The following ZNF75D variants were observed in gnomAD, a reference collection of about 807,000 sequenced individuals.
ZNF75D encodes zinc finger protein 75.
Under a neutral mutation model 33.3 loss-of-function variants are expected in ZNF75D, and 33 were observed. The ratio of observed to expected loss-of-function variants is 0.99; its 90% CI spans 0.75 to 1.32. The LOEUF (loss-of-function observed/expected upper bound fraction) is 1.32. Ranked by LOEUF, ZNF75D falls within the 40% of genes most tolerant of loss-of-function variation. The pLI is 0.00. For missense variants in ZNF75D, 338 were observed against 367.5 expected, an observed-to-expected ratio of 0.92 and a Z score of 0.66; for synonymous variants, 113 against 130.6, an observed-to-expected ratio of 0.87 and a Z score of 0.92.
At chrX:135,333,948 C>T (rs782343833) in intron 1 of ZNF75D, among the ~76,000 whole-genome samples, 4 of 111,942 alleles carry the variant, frequency 3.6e-5, no homozygotes, top group Non-Finnish European at 7.5e-5. Context: ...CTTTTCATCG[C>T]TATGAAGCAG....
intron 1 of ZNF75D, among the ~76,000 whole-genome samples, chrX:135,320,895 T>C (rs2084486712): frequency 9.0e-6 from 1 of 111,425 alleles, no homozygotes; most frequent in Non-Finnish European, 1.9e-5. Flanking sequence ...GTTTTTGAAG[T>C]TGCTACAGAG....
chrX:135,258,240 G>A (rs1296525996), intron 1 of ZNF75D, among the ~76,000 whole-genome samples: 4 of 106,239 alleles, frequency 3.8e-5, no homozygotes, highest in Non-Finnish European at 2.0e-5. Context: ...ATTGTGAATA[G>A]TGCTGCAATA....
intron 1 of ZNF75D, among the ~76,000 whole-genome samples, chrX:135,337,659 AG>A (rs1186821107): frequency 9.0e-6 from 1 of 111,154 alleles, no homozygotes; most frequent in Non-Finnish European, 1.9e-5. Context: ...GGAGTGCATT[AG>A]GTAAATGGTG....
intron 1 of ZNF75D, among the ~76,000 whole-genome samples, chrX:135,316,545 T>C (rs1220637776): frequency 8.9e-6 from 1 of 111,885 alleles, no homozygotes; most frequent in African/African-American, 3.2e-5. Context: ...AACCTCTTGG[T>C]AGACCTGGAA....
intron 1 of ZNF75D, among the ~76,000 whole-genome samples, chrX:135,325,849 G>A (rs1056954336): frequency 2.7e-5 from 3 of 112,768 alleles, no homozygotes; most frequent in South Asian, 3.6e-4. Flanking sequence ...AGCGCATCGC[G>A]TGGGACTGGC....
At chrX:135,292,593 A>C in intron 3 of ZNF75D, 120 bp from the exon 4 acceptor site, 1 of 552,994 alleles carries the variant, frequency 1.8e-6, no homozygotes, top group Non-Finnish European at 2.8e-6. Flanking sequence ...AGAAGTAATA[A>C]AAAGAATGAA....
chrX:135,287,227 T>C lies in ZNF75D; in HGVS notation c.1443A>G (p.Leu481=), dbSNP rs782114578. 1.7e-6 allele frequency: 2 copies of C among 1,211,402 alleles called. No homozygotes were observed. Among genetic ancestry groups the C allele is most frequent in the Admixed American group, 4.4e-5 (2 of 45,909 alleles). The change falls in exon 7 of 7, where the codon TTA becomes TTG. Residue 481 remains leucine (L), a synonymous_variant. Transcript: ENST00000370766. Reference sequence around the variant, plus strand: ...ATCGCCTACTAAAGTTTCTCTTGCATAAGCTACACGTATAAGGCTGCTCAC... The same window carrying C: ...ATCGCCTACTAAAGTTTCTCTTGCACAAGCTACACGTATAAGGCTGCTCAC... ...HTGEQPYTCS[L]CKRNFSRRSS... is the part of the protein sequence containing the mutation.
At chrX:135,332,561 C>G (rs1218860841) in intron 1 of ZNF75D, among the ~76,000 whole-genome samples, 1 of 111,896 alleles carries the variant, frequency 8.9e-6, no homozygotes, top group Non-Finnish European at 1.9e-5. Context: ...CTTGGACTGC[C>G]CAGCCTCCAG....
intron 1 of ZNF75D, among the ~76,000 whole-genome samples, chrX:135,278,953 TTG>T (rs1435362177): frequency 2.7e-5 from 3 of 111,264 alleles, no homozygotes; most frequent in South Asian, 7.5e-4. Flanking sequence ...AAATTTTCTT[TTG>T]TGTGTGTGTG....
At chrX:135,271,462 C>G (rs1474071053) in intron 1 of ZNF75D, among the ~76,000 whole-genome samples, 1 of 111,915 alleles carries the variant, frequency 8.9e-6, no homozygotes, top group Non-Finnish European at 1.9e-5. Context: ...TAGTGCCTCT[C>G]ATTTGCAGAT....
chrX:135,286,329 A>C lies in ZNF75D; in HGVS notation c.*808T>G, dbSNP rs1300193328. ...GCCTCCATCCAGTCCACATAATGAA[A>C]GTCAGAAAAAGACCATTTACCACTT... On this transcript the variant is annotated 3_prime_UTR_variant, in exon 7 of 7. Transcript: ENST00000370766. The C allele has an allele frequency of 8.9e-6, 1 of 111,904 alleles. No homozygotes were observed. Among genetic ancestry groups the C allele is most frequent in the Non-Finnish European group, 1.9e-5 (1 of 53,127 alleles). The allele number at this position is 111,904 out of a possible 1,213,427, so 9.2% of individuals were successfully genotyped here.
intron 3 of ZNF75D, among the ~76,000 whole-genome samples, chrX:135,293,109 C>T (rs1185283051): frequency 4.5e-5 from 5 of 111,514 alleles, no homozygotes; most frequent in Non-Finnish European, 7.5e-5. Context: ...GTTTCCCACT[C>T]ACCAGAAGGG....
At chrX:135,324,551 T>C (rs2084537273) in intron 1 of ZNF75D, among the ~76,000 whole-genome samples, 2 of 112,783 alleles carry the variant, frequency 1.8e-5, no homozygotes, top group South Asian at 7.2e-4. Flanking sequence ...AGTGCACTAA[T>C]AAAAATATAG....
In ZNF75D at chrX:135,293,788, T is replaced by C; in HGVS notation, c.353A>G (p.Lys118Arg). 1 of 1,205,156 alleles carries C rather than the reference T, an allele frequency of 8.3e-7. No individual in the cohort carries two copies. Among genetic ancestry groups the C allele is most frequent in the South Asian group, 1.8e-5 (1 of 56,186 alleles). Reference sequence around the variant, plus strand: ...GAATTCCACCAGGACCAGAGCCTGTTTGACATTCTGTGGATGATGCTTCTG... The same window carrying C: ...GAATTCCACCAGGACCAGAGCCTGTCTGACATTCTGTGGATGATGCTTCTG... The part of the protein sequence containing the change: ...WVQKHHPQNV[K>R]QALVLVEFLQ... The change falls in exon 3 of 7, where the codon AAA (lysine) becomes AGA (arginine). Residue 118 changes from lysine (K) to arginine (R), a missense_variant. Lys to Arg is a conservative substitution (Grantham distance 26). Coordinates refer to ENST00000370766, the MANE Select transcript of ZNF75D (RefSeq NM_007131.5).
downstream of ZNF75D, chrX:135,285,702 A>T (rs1254768664): frequency 1.8e-5 from 2 of 111,945 alleles, no homozygotes; most frequent in African/African-American, 6.5e-5. Context: ...TCATTTTATA[A>T]ATTTGGAAAC....
chrX:135,316,006 T>C (rs781884484), intron 1 of ZNF75D, among the ~76,000 whole-genome samples: 1 of 112,276 alleles, frequency 8.9e-6, no homozygotes. Context: ...CTCTGTTCCT[T>C]TTTTTCCCTT....
At chrX:135,277,508 A>T (rs782820441) in intron 1 of ZNF75D, among the ~76,000 whole-genome samples, 2 of 112,370 alleles carry the variant, frequency 1.8e-5, no homozygotes, top group Non-Finnish European at 3.8e-5. Flanking sequence ...CACATTTGTC[A>T]ATTTTGGCTT....
chrX:135,258,244 T>G (rs931601288), intron 1 of ZNF75D, among the ~76,000 whole-genome samples: 6 of 106,769 alleles, frequency 5.6e-5, no homozygotes, highest in Non-Finnish European at 1.2e-4. Context: ...TGAATAGTGC[T>G]GCAATAAACA....
chrX:135,316,189 T>C (rs2084418598), intron 1 of ZNF75D, among the ~76,000 whole-genome samples: 1 of 112,276 alleles, frequency 8.9e-6, no homozygotes, highest in South Asian at 3.7e-4. Context: ...GCATTTCTTG[T>C]AGGGGCAGTC....
Sources: gnomAD v4.1 joint callset for allele counts (sites outside exome capture counted in the v4.1 genomes callset) on GRCh38, gnomAD v4.1.1 for gene constraint, MANE v1.5 for transcripts, NCBI Gene and HGNC (gene_info 2026-07-23, HGNC 2026-07-21) for gene names.